The following SNTG1 variants were observed in gnomAD, a reference collection of about 807,000 sequenced individuals.
SNTG1 encodes the protein syntrophin gamma 1.
SNTG1 carries 39 observed loss-of-function variants against 74.7 expected under a neutral mutation model. That is an observed-to-expected ratio of 0.52 (90% CI 0.40 to 0.68). The LOEUF is 0.68. Ranked by LOEUF, SNTG1 falls within the 30% of genes least tolerant of loss-of-function variation. The pLI is 0.00. For missense variants in SNTG1, 685 were observed against 609.5 expected, an observed-to-expected ratio of 1.12 and a Z score of -1.30; for synonymous variants, 254 against 217.1, an observed-to-expected ratio of 1.17 and a Z score of -1.49.
At chr8:50,669,112 A>G (rs1354486277) in intron 15 of SNTG1, among the ~76,000 whole-genome samples, 1 of 152,108 alleles carries the variant, frequency 6.6e-6, no homozygotes. Context: ...ACACCCTAAC[A>G]TCACAATTAA....
At position 50,708,983 on chromosome 8, in the gene SNTG1, T is replaced by C; in HGVS notation, c.1284+5T>C. 1 of 1,605,804 alleles carries C rather than the reference T, an allele frequency of 6.2e-7. No homozygotes were observed. The highest frequency in any genetic ancestry group is 8.5e-7 in the Non-Finnish European group (1 of 1,172,600). ...TGCTTTGATGCTGCAACAAAGGTAA[T>C]GTGTTCAGGTCAGCTCTGAGAAATA... On this transcript the variant is annotated splice_donor_5th_base_variant and intron_variant, in intron 17 of 18. Transcript: ENST00000642720.
chr8:50,131,225 A>G (rs1214046972), intron 1 of SNTG1, among the ~76,000 whole-genome samples: 1 of 152,152 alleles, frequency 6.6e-6, no homozygotes, highest in Non-Finnish European at 1.5e-5. Context: ...CAATCAGGAA[A>G]GCATTCACAA....
chr8:50,673,405 T>C (rs2095294619), intron 15 of SNTG1, among the ~76,000 whole-genome samples: 1 of 152,148 alleles, frequency 6.6e-6, no homozygotes, highest in South Asian at 2.1e-4. Context: ...CCCTGTTAGC[T>C]GTATTTCTAG....
At chr8:50,644,217 GAAGAA>G (rs1250015815) in intron 13 of SNTG1, 3 of 152,166 alleles carry the variant, frequency 2.0e-5, no homozygotes, top group Admixed American at 2.0e-4. Flanking sequence ...TCACTGTCTG[GAAGAA>G]TAAGAGGCCA....
At chr8:50,579,751 C>T (rs1031402089) in intron 12 of SNTG1, among the ~76,000 whole-genome samples, 35 of 152,300 alleles carry the variant, frequency 2.3e-4, no homozygotes, top group Admixed American at 1.6e-3. Flanking sequence ...CCTTTGAGTG[C>T]GCAGAAAACA....
intron 9 of SNTG1, among the ~76,000 whole-genome samples, chr8:50,504,869 C>T (rs1427116401): frequency 6.6e-6 from 1 of 151,614 alleles, no homozygotes; most frequent in Non-Finnish European, 1.5e-5. Flanking sequence ...TAAAATTTAC[C>T]ATCTTTACCA....
chr8:50,110,948 A>G (rs1164253294), intron 1 of SNTG1, among the ~76,000 whole-genome samples: 4 of 152,180 alleles, frequency 2.6e-5, no homozygotes, highest in Non-Finnish European at 5.9e-5. Flanking sequence ...TATGTCCTAA[A>G]CAATTATTTG....
intron 13 of SNTG1, among the ~76,000 whole-genome samples, chr8:50,604,395 G>A (rs2094797135): frequency 6.6e-6 from 1 of 151,518 alleles, no homozygotes; most frequent in Admixed American, 6.6e-5. Flanking sequence ...CAGCCTAGAT[G>A]ACAGAGGAAG....
At chr8:50,255,589 C>T (rs549061118) in intron 2 of SNTG1, among the ~76,000 whole-genome samples, 1 of 152,254 alleles carries the variant, frequency 6.6e-6, no homozygotes, top group East Asian at 1.9e-4. Flanking sequence ...CGGTGGTTTG[C>T]TGGCAGTTCT....
intron 12 of SNTG1, among the ~76,000 whole-genome samples, chr8:50,586,946 T>C (rs1347063000): frequency 6.6e-6 from 1 of 152,008 alleles, no homozygotes; most frequent in African/African-American, 2.4e-5. Context: ...AAAGGAAGCA[T>C]TCATGTAATA....
intron 2 of SNTG1, among the ~76,000 whole-genome samples, chr8:50,250,565 G>A (rs1421115303): frequency 1.3e-5 from 2 of 152,176 alleles, no homozygotes; most frequent in Non-Finnish European, 2.9e-5. Context: ...AGCTGCAAGA[G>A]ATAAATGTCA....
intron 1 of SNTG1, among the ~76,000 whole-genome samples, chr8:49,956,736 T>G (rs2129399306): frequency 6.6e-6 from 1 of 152,234 alleles, no homozygotes; most frequent in East Asian, 1.9e-4. Flanking sequence ...AGACATATCC[T>G]GGACCCACTG....
At chr8:50,027,946 C>A (rs1442138030) in intron 1 of SNTG1, among the ~76,000 whole-genome samples, 2 of 152,230 alleles carry the variant, frequency 1.3e-5, no homozygotes, top group East Asian at 1.9e-4. Context: ...ATCCAGCATA[C>A]CCTTCACCCA....
intron 1 of SNTG1, among the ~76,000 whole-genome samples, chr8:50,073,768 G>A (rs111445869): frequency 7.2e-5 from 11 of 151,892 alleles, no homozygotes; most frequent in Admixed American, 2.0e-4. Flanking sequence ...GGGTATTCAC[G>A]TGCATTATCA....
intron 1 of SNTG1, chr8:50,164,228 A>G (rs1269887604): frequency 6.6e-6 from 1 of 151,946 alleles, no homozygotes; most frequent in Non-Finnish European, 1.5e-5. Flanking sequence ...AGGAGAATAG[A>G]ACATTACTCT....
At chr8:50,699,579 CA>C (rs1255464898) in intron 15 of SNTG1, among the ~76,000 whole-genome samples, 1 of 151,824 alleles carries the variant, frequency 6.6e-6, no homozygotes, top group East Asian at 1.9e-4. Flanking sequence ...ACAAATCTAA[CA>C]AAATAGAAGA....
chr8:50,507,589 T>A (rs1007645544), intron 9 of SNTG1, among the ~76,000 whole-genome samples: 1 of 152,322 alleles, frequency 6.6e-6, no homozygotes, highest in East Asian at 1.9e-4. Context: ...CTATTTTTTC[T>A]AGATTATTCA....
intron 13 of SNTG1, among the ~76,000 whole-genome samples, chr8:50,606,020 T>A (rs1309302031): frequency 6.6e-6 from 1 of 152,172 alleles, no homozygotes; most frequent in Non-Finnish European, 1.5e-5. Context: ...TTGAATTTCC[T>A]TTGCTAGTAT....
At chr8:50,561,919 C>T (rs963118678) in intron 12 of SNTG1, among the ~76,000 whole-genome samples, 3 of 152,144 alleles carry the variant, frequency 2.0e-5, no homozygotes, top group Admixed American at 1.3e-4. Context: ...CTTCTATAAC[C>T]TTTCAGCTTT....
Sources: gnomAD v4.1 joint callset for allele counts (sites outside exome capture counted in the v4.1 genomes callset) on GRCh38, gnomAD v4.1.1 for gene constraint, MANE v1.5 for transcripts, NCBI Gene and HGNC (gene_info 2026-07-23, HGNC 2026-07-21) for gene names.